The following TBXAS1 variants were observed in gnomAD, a reference collection of about 807,000 sequenced individuals.
TBXAS1 encodes thromboxane-A synthase.
TBXAS1 carries 48 observed loss-of-function variants against 60.7 expected under a neutral mutation model. The ratio of observed to expected loss-of-function variants is 0.79; its 90% CI spans 0.63 to 1.01. The LOEUF (loss-of-function observed/expected upper bound fraction) is 1.01. TBXAS1 is among the 50% of genes least tolerant of loss of function. TBXAS1 has a pLI of 0.00. For synonymous variants in TBXAS1, 287 were observed against 269.7 expected, an observed-to-expected ratio of 1.06 and a Z score of -0.63; for missense variants, 685 against 686.3, an observed-to-expected ratio of 1.00 and a Z score of 0.02.
intron 4 of TBXAS1, among the ~76,000 whole-genome samples, chr7:139,818,540 C>A (rs976763259): frequency 6.6e-6 from 1 of 152,124 alleles, no homozygotes. Flanking sequence ...TTCTATACTG[C>A]CATTCTAGGT....
chr7:139,980,348 G>A (rs1811875768), intron 9 of TBXAS1, among the ~76,000 whole-genome samples: 1 of 152,144 alleles, frequency 6.6e-6, no homozygotes, highest in Admixed American at 6.5e-5. Flanking sequence ...TTTCCCTAAT[G>A]AGTTGAGAAT....
intron 9 of TBXAS1, chr7:139,962,662 C>T (rs528288323): frequency 7.2e-5 from 18 of 248,828 alleles, no homozygotes; most frequent in African/African-American, 4.1e-4. Flanking sequence ...ACAGGCCAAG[C>T]TGAAGCTGGA....
chr7:139,814,147 G>T (rs1006200510), intron 4 of TBXAS1, among the ~76,000 whole-genome samples: 3 of 152,194 alleles, frequency 2.0e-5, no homozygotes, highest in Non-Finnish European at 4.4e-5. Flanking sequence ...GAGCCACATT[G>T]CTATGTAGTG....
At chr7:139,962,366 T>TG in intron 9 of TBXAS1, 133 bp downstream of exon 9, 1 of 1,133,700 alleles carries the variant, frequency 8.8e-7, no homozygotes. Context: ...ATAGGGTCAT[T>TG]GCTTGGCTTC....
chr7:139,905,057 T>TTCTTTCTTTCTTTCTTTCTC (rs1247644902), intron 3 of TBXAS1, among the ~76,000 whole-genome samples: 18 of 107,548 alleles, frequency 1.7e-4, no homozygotes, highest in East Asian at 1.0e-3. Context: ...CTTTCTTTCT[T>TTCTTTCTTTCTTTCTTTCTC]TCTCTCTCTC....
chr7:140,007,773 C>T (rs182759877), intron 10 of TBXAS1, among the ~76,000 whole-genome samples: 14 of 152,322 alleles, frequency 9.2e-5, no homozygotes, highest in Admixed American at 8.5e-4. Context: ...CCTCCCTGCC[C>T]TTCCTCCTCA....
At chr7:139,932,563 C>A (rs1807421929) in intron 4 of TBXAS1, among the ~76,000 whole-genome samples, 1 of 151,974 alleles carries the variant, frequency 6.6e-6, no homozygotes, top group Non-Finnish European at 1.5e-5. Context: ...AACCTAAATT[C>A]CCTCTCCCAT....
intron 4 of TBXAS1, among the ~76,000 whole-genome samples, chr7:139,818,323 G>A (rs1798206932): frequency 6.6e-6 from 1 of 152,142 alleles, no homozygotes; most frequent in African/African-American, 2.4e-5. Flanking sequence ...AGTCAGACTG[G>A]GGTTCAGTAC....
intron 4 of TBXAS1, among the ~76,000 whole-genome samples, chr7:139,935,590 T>C (rs1807688409): frequency 6.6e-6 from 1 of 152,134 alleles, no homozygotes; most frequent in African/African-American, 2.4e-5. Context: ...TCAACCACTG[T>C]TTGCTGACTG....
Position 139,848,512 on chromosome 7 carries a change from T to C in TBXAS1, c.89+19033T>C, listed in dbSNP as rs373592356. Among the ~76,000 whole-genome samples, 21 of 152,348 alleles carry C rather than the reference T, an allele frequency of 1.4e-4. No individual in the cohort carries two copies. The South Asian group carries it at 3.7e-3, about 27-fold the overall frequency. On this transcript the variant is annotated intron_variant, in intron 1 of 12. Transcript: ENST00000448866. The stretch of plus-strand genomic sequence containing the variant: ...AAGCTCATTGGCAAATGACAATGTT[T>C]ATTTTTCTCATGGTCTGTATGTTCA...
At chr7:139,879,832 T>TTTTGTGTGTGTG (rs1802547362) in intron 3 of TBXAS1, among the ~76,000 whole-genome samples, 1 of 140,430 alleles carries the variant, frequency 7.1e-6, no homozygotes, top group African/African-American at 2.7e-5. Flanking sequence ...TTATCTCATT[T>TTTTGTGTGTGTG]TGTGTGTGTG....
intron 7 of TBXAS1, among the ~76,000 whole-genome samples, chr7:139,956,304 G>A (rs546897905): frequency 3.9e-5 from 6 of 152,080 alleles, no homozygotes; most frequent in South Asian, 2.1e-4. Flanking sequence ...GCACCATCAC[G>A]ACCAGCTAAT....
intron 2 of TBXAS1, chr7:139,780,895 T>G (rs79584109): frequency 5.2e-5 from 8 of 154,638 alleles, no homozygotes; most frequent in Middle Eastern, 5.2e-4. Context: ...GGACTGCCCC[T>G]GAATTCAGCA....
chr7:139,898,998 A>G (rs2116978391), intron 3 of TBXAS1, among the ~76,000 whole-genome samples: 1 of 150,610 alleles, frequency 6.6e-6, no homozygotes, highest in East Asian at 1.9e-4. Context: ...ATCCAGTGAC[A>G]AATTCTCCCT....
At chr7:140,000,059 A>G (rs1813559887) in intron 9 of TBXAS1, among the ~76,000 whole-genome samples, 1 of 152,216 alleles carries the variant, frequency 6.6e-6, no homozygotes, top group Admixed American at 6.5e-5. Flanking sequence ...TAGCTTTCAG[A>G]GAAAATGATA....
In TBXAS1 at chr7:140,015,709, GGT is replaced by G. The variant is rs1195317771; in HGVS notation, c.1227-11_1227-10del. 1 of 1,612,712 alleles carries G rather than the reference GGT, an allele frequency of 6.2e-7. No homozygotes were observed. The highest frequency in any genetic ancestry group is 1.7e-5 in the Admixed American group (1 of 60,024). On this transcript the variant is annotated splice_polypyrimidine_tract_variant and intron_variant, in intron 10 of 12. Transcript: ENST00000448866. The stretch of plus-strand genomic sequence containing the variant: ...TCTTCTCTGTATCCACCCCCGACCT[GGT>G]GTTTCCCTCAGATTCACACGGGAGG...
intron 3 of TBXAS1, among the ~76,000 whole-genome samples, chr7:139,893,231 T>G (rs1363339067): frequency 6.6e-6 from 1 of 152,002 alleles, no homozygotes; most frequent in Non-Finnish European, 1.5e-5. Context: ...TCCCAGACCG[T>G]GTATTCCTGT....
chr7:139,957,824 G>A (rs1809998123), intron 8 of TBXAS1, 60 bp downstream of exon 8: 1 of 1,610,002 alleles, frequency 6.2e-7, no homozygotes, highest in Admixed American at 1.7e-5. Context: ...TGGCATCACT[G>A]TCTCTGCTCT....
At chr7:140,011,296 AC>A (rs1340417657) in intron 10 of TBXAS1, among the ~76,000 whole-genome samples, 7,130 of 147,756 alleles carry the variant, frequency 0.048, 481 homozygotes, top group African/African-American at 0.14. Context: ...AAACAAACAA[AC>A]AAACAAAAAA....
Sources: allele counts gnomAD v4.1 joint callset (sites outside exome capture counted in the v4.1 genomes callset), GRCh38; gene constraint gnomAD v4.1.1; transcripts MANE v1.5; gene names NCBI Gene and HGNC (gene_info 2026-07-23, HGNC 2026-07-21).